The following DSCAML1 variants were observed in gnomAD, a reference collection of about 807,000 sequenced individuals.
DSCAML1 encodes the protein cell adhesion molecule DSCAML1.
Under a neutral mutation model 200.5 loss-of-function variants are expected in DSCAML1, and 38 were observed. The ratio of observed to expected loss-of-function variants is 0.19; its 90% confidence interval spans 0.15 to 0.25. The LOEUF (loss-of-function observed/expected upper bound fraction) is 0.25, where lower values mean the gene tolerates loss of function less well. Among genes scored for constraint, DSCAML1 ranks in the 10% least tolerant of loss-of-function variants. The pLI, the probability that DSCAML1 is intolerant of heterozygous loss-of-function variation, is 1.00. For synonymous variants in DSCAML1, 1,215 were observed against 1,165.0 expected, an observed-to-expected ratio of 1.04 and a Z score of -0.87; for missense variants, 2,223 against 2,858.8, an observed-to-expected ratio of 0.78 and a Z score of 5.07.
Position 117,473,418 on chromosome 11 carries a change from A to T in DSCAML1, c.2786-1382T>A, listed in dbSNP as rs1311756605. 2.0e-5 allele frequency among the ~76,000 whole-genome samples: 3 copies of T among 152,150 alleles called. No homozygotes were observed. In the East Asian group the frequency reaches 5.8e-4, roughly 29 times the overall value. On this transcript the variant is annotated intron_variant, in intron 14 of 32. Coordinates refer to ENST00000651296, the MANE Select transcript of DSCAML1 (RefSeq NM_020693.4). ...AGGCTGAGACAGGAGAATTGCTTGA[A>T]CCCGGGAGGTGGAGGTTGCAGTGAA...
At chr11:117,809,953 TCACA>T (rs1179621210) in intron 1 of DSCAML1, among the ~76,000 whole-genome samples, 1 of 136,524 alleles carries the variant, frequency 7.3e-6, no homozygotes, top group Non-Finnish European at 1.6e-5. Context: ...ATACACACAT[TCACA>T]CACTCACACA....
chr11:117,519,497 G>A (rs1025195501), intron 6 of DSCAML1, among the ~76,000 whole-genome samples: 5 of 152,218 alleles, frequency 3.3e-5, no homozygotes, highest in African/African-American at 1.2e-4. Flanking sequence ...GCACAGGATT[G>A]TTGAAAAGGA....
At chr11:117,817,500 A>G (rs1330860868) in exon 1 of DSCAML1, 5 of 152,008 alleles carry the variant, frequency 3.3e-5, no homozygotes, top group Non-Finnish European at 7.4e-5. Flanking sequence ...TGGGGTTGAG[A>G]AGAGCTACTG....
At chr11:117,541,328 T>C (rs2050264898) in intron 3 of DSCAML1, among the ~76,000 whole-genome samples, 1 of 152,230 alleles carries the variant, frequency 6.6e-6, no homozygotes, top group Admixed American at 6.5e-5. Flanking sequence ...ACACGCTGCT[T>C]CTGTTTGAGA....
chr11:117,569,137 T>C (rs1341618449), intron 3 of DSCAML1, among the ~76,000 whole-genome samples: 1 of 152,168 alleles, frequency 6.6e-6, no homozygotes, highest in Non-Finnish European at 1.5e-5. Context: ...CCCTATTTAA[T>C]AAATGGTGCT....
intron 3 of DSCAML1, among the ~76,000 whole-genome samples, chr11:117,548,073 G>C (rs2050407947): frequency 6.6e-6 from 1 of 152,220 alleles, no homozygotes. Context: ...GACATGCAAG[G>C]CCTGGTACTG....
chr11:117,785,665 C>G (rs2055339384), intron 1 of DSCAML1, among the ~76,000 whole-genome samples: 1 of 152,110 alleles, frequency 6.6e-6, no homozygotes, highest in Admixed American at 6.6e-5. Context: ...TCTTGTAGTC[C>G]TTATGTCTAA....
intron 3 of DSCAML1, among the ~76,000 whole-genome samples, chr11:117,562,907 T>G (rs1026292083): frequency 6.6e-6 from 1 of 152,210 alleles, no homozygotes; most frequent in East Asian, 1.9e-4. Flanking sequence ...ATCAGTTCCT[T>G]CTTTCTAAAG....
At chr11:117,490,559 G>A (rs534649940) in intron 11 of DSCAML1, among the ~76,000 whole-genome samples, 46 of 152,292 alleles carry the variant, frequency 3.0e-4, no homozygotes, top group Non-Finnish European at 5.3e-4. Context: ...GGGCAGGCCC[G>A]CTCCTTGCAG....
At chr11:117,665,482 T>G (rs1439340396) in intron 3 of DSCAML1, among the ~76,000 whole-genome samples, 1 of 151,704 alleles carries the variant, frequency 6.6e-6, no homozygotes, top group Non-Finnish European at 1.5e-5. Context: ...TGGCTCCGGG[T>G]TTTTGGATGT....
chr11:117,737,760 G>A (rs540864314), intron 3 of DSCAML1, among the ~76,000 whole-genome samples: 1 of 152,232 alleles, frequency 6.6e-6, no homozygotes, highest in Non-Finnish European at 1.5e-5. Flanking sequence ...CATTCGCGGA[G>A]GGGTTTATGA....
Position 117,609,038 on chromosome 11 carries a change from A to C in DSCAML1, c.512-76516T>G, listed in dbSNP as rs528304116. ...AACAAACAAACAAACAAACAAACAA[A>C]AAAAACAAAAATTGTCTGGGCATGG... is the stretch of plus-strand genomic sequence containing the variant. On this transcript the variant is annotated intron_variant, in intron 3 of 32. Coordinates refer to ENST00000651296, the MANE Select transcript of DSCAML1 (RefSeq NM_020693.4). Among the ~76,000 whole-genome samples the C allele has an allele frequency of 5.4e-3, 812 of 149,752 alleles. 11 individuals carry two copies. Among genetic ancestry groups the C allele is most frequent in the African/African-American group, 0.016 (648 of 40,132 alleles).
chr11:117,665,800 A>C (rs1167995169), intron 3 of DSCAML1, among the ~76,000 whole-genome samples: 1 of 152,166 alleles, frequency 6.6e-6, no homozygotes, highest in East Asian at 1.9e-4. Flanking sequence ...AGGCAATGCC[A>C]CACAGCCCTA....
chr11:117,486,384 CGG>C (rs2049061439), intron 11 of DSCAML1, among the ~76,000 whole-genome samples: 1 of 150,608 alleles, frequency 6.6e-6, no homozygotes, highest in African/African-American at 2.5e-5. Context: ...GTGAAAATGG[CGG>C]ATGTGAAAGT....
chr11:117,496,044 C>G (rs1294471129), intron 11 of DSCAML1, among the ~76,000 whole-genome samples: 1 of 152,202 alleles, frequency 6.6e-6, no homozygotes, highest in Non-Finnish European at 1.5e-5. Flanking sequence ...ACCTGGATGC[C>G]TCCTTTCTTC....
chr11:117,486,911 C>CTTTTTTTT lies in DSCAML1; in HGVS notation c.2360-4757_2360-4750dup, dbSNP rs56805170. Reference sequence around the variant, plus strand: ...GAAAAAAAAAAAGAATGTAAAATACCTTTTTTTTTTTTTTTTTTTTTTTTT... The same window carrying CTTTTTTTT: ...GAAAAAAAAAAAGAATGTAAAATACCTTTTTTTTTTTTTTTTTTTTTTTTTTTTTTTTT... On this transcript the variant is annotated intron_variant, in intron 11 of 32. Coordinates refer to ENST00000651296, the MANE Select transcript of DSCAML1 (RefSeq NM_020693.4). 5.7e-3 allele frequency among the ~76,000 whole-genome samples: 450 copies of CTTTTTTTT among 79,632 alleles called. 40 individuals are homozygous for CTTTTTTTT. The highest frequency in any genetic ancestry group is 7.9e-3 in the Non-Finnish European group (338 of 42,772). The allele number at this position is 79,632 out of a possible 152,430, so 52.2% of individuals were successfully genotyped here.
At position 117,674,512 on chromosome 11, in the gene DSCAML1, T is replaced by C. The variant is rs144113948; in HGVS notation, c.511+102279A>G. Among the ~76,000 whole-genome samples the C allele has an allele frequency of 7.2e-5, 11 of 152,258 alleles. No individual in the cohort carries two copies. The South Asian group carries it at 1.2e-3, about 17-fold the overall frequency. On this transcript the variant is annotated intron_variant, in intron 3 of 32. Coordinates refer to ENST00000651296, the MANE Select transcript of DSCAML1 (RefSeq NM_020693.4). ...TGGCATGGGTACCACGTCCTCATGA[T>C]TGGGGCCATGCATACCAGGTGCCAA...
At chr11:117,588,020 G>A (rs1340900147) in intron 3 of DSCAML1, among the ~76,000 whole-genome samples, 1 of 152,140 alleles carries the variant, frequency 6.6e-6, no homozygotes, top group African/African-American at 2.4e-5. Flanking sequence ...GTGTTTCTTT[G>A]ACAAAGACTG....
At chr11:117,619,104 C>T (rs544581782) in intron 3 of DSCAML1, among the ~76,000 whole-genome samples, 34 of 152,328 alleles carry the variant, frequency 2.2e-4, no homozygotes, top group Non-Finnish European at 3.7e-4. Context: ...GGTTCTAGCT[C>T]GGGGCGCCTG....
Sources: allele counts gnomAD v4.1 joint callset (sites outside exome capture counted in the v4.1 genomes callset), GRCh38; gene constraint gnomAD v4.1.1; transcripts MANE v1.5; gene names NCBI Gene and HGNC (gene_info 2026-07-23, HGNC 2026-07-21).